The following HDAC9 variants were observed in gnomAD, a reference collection of about 807,000 sequenced individuals.
HDAC9 encodes histone deacetylase 9, also known as MEF-2 interacting transcription repressor (MITR) protein.
HDAC9 carries 41 observed loss-of-function variants against 139.4 expected under a neutral mutation model. The ratio of observed to expected loss-of-function variants is 0.29; its 90% CI spans 0.23 to 0.38. The LOEUF (loss-of-function observed/expected upper bound fraction) is 0.38, where lower values mean the gene tolerates loss of function less well. Ranked by LOEUF, HDAC9 falls within the 10% of genes least tolerant of loss-of-function variation. The probability of loss-of-function intolerance (pLI) is 1.00; values close to 1 mark genes in which losing one functional copy is unlikely to be tolerated. For synonymous variants in HDAC9, 517 were observed against 476.2 expected (o/e 1.09, Z -1.12); for missense variants, 1,147 against 1,297.0 (o/e 0.88, Z 1.78).
chr7:18,559,894 A>G (rs1231181801), intron 2 of HDAC9, among the ~76,000 whole-genome samples: 1 of 152,232 alleles, frequency 6.6e-6, no homozygotes, highest in African/African-American at 2.4e-5. Context: ...CCTAAATATA[A>G]GTCTTACACT....
At chr7:18,590,780 C>T (rs1178308833) in intron 4 of HDAC9, among the ~76,000 whole-genome samples, 1 of 152,160 alleles carries the variant, frequency 6.6e-6, no homozygotes. Context: ...TATATGCCAT[C>T]TTGTTTAATA....
At chr7:18,738,544 T>C (rs1165031858) in intron 13 of HDAC9, among the ~76,000 whole-genome samples, 1 of 152,208 alleles carries the variant, frequency 6.6e-6, no homozygotes, top group African/African-American at 2.4e-5. Context: ...GATATGAAAT[T>C]CTGGGTTGAA....
At chr7:18,948,243 A>G (rs529977169) in intron 23 of HDAC9, among the ~76,000 whole-genome samples, 7 of 152,160 alleles carry the variant, frequency 4.6e-5, no homozygotes, top group Admixed American at 1.3e-4. Context: ...AAAGAAAAAG[A>G]TATCAGTATT....
chr7:18,191,414 G>T (rs1790342042), intron 2 of HDAC9, among the ~76,000 whole-genome samples: 1 of 152,158 alleles, frequency 6.6e-6, no homozygotes, highest in Non-Finnish European at 1.5e-5. Context: ...TTATCACTCT[G>T]TATCATAATT....
intron 1 of HDAC9, among the ~76,000 whole-genome samples, chr7:18,117,487 A>G (rs2128089412): frequency 6.7e-6 from 1 of 149,408 alleles, no homozygotes; most frequent in Middle Eastern, 3.4e-3. Flanking sequence ...CTCTGTCTCA[A>G]AAAATAAAAT....
At chr7:18,245,151 A>G (rs1382282060) in intron 2 of HDAC9, among the ~76,000 whole-genome samples, 3 of 151,938 alleles carry the variant, frequency 2.0e-5, no homozygotes, top group Admixed American at 1.3e-4. Flanking sequence ...GATTTGGATG[A>G]CTCCACTGGC....
chr7:18,503,156 C>G (rs1254370048), intron 2 of HDAC9, among the ~76,000 whole-genome samples: 1 of 152,074 alleles, frequency 6.6e-6, no homozygotes, highest in Non-Finnish European at 1.5e-5. Context: ...AGAAGAAATT[C>G]AAAAATATGT....
chr7:18,421,988 G>C (rs1040739330), intron 1 of HDAC9, among the ~76,000 whole-genome samples: 15 of 152,252 alleles, frequency 9.9e-5, no homozygotes, highest in African/African-American at 3.6e-4. Flanking sequence ...GTGTCTGTTG[G>C]AATCTATTTT....
chr7:18,960,890 G>A (rs1042762729), intron 24 of HDAC9, among the ~76,000 whole-genome samples: 1 of 152,004 alleles, frequency 6.6e-6, no homozygotes, highest in Admixed American at 6.6e-5. Context: ...TCTCTTGTTG[G>A]GGGGTGGGGG....
chr7:18,956,221 C>T (rs1783134036), intron 24 of HDAC9, among the ~76,000 whole-genome samples: 1 of 152,030 alleles, frequency 6.6e-6, no homozygotes, highest in African/African-American at 2.4e-5. Flanking sequence ...AATCCATTTC[C>T]TTCTAAACTC....
chr7:18,132,496 A>T (rs756639795), intron 1 of HDAC9, among the ~76,000 whole-genome samples: 1 of 151,986 alleles, frequency 6.6e-6, no homozygotes, highest in Non-Finnish European at 1.5e-5. Context: ...GCAGCCTCCA[A>T]CTTCTGGGCT....
intron 1 of HDAC9, among the ~76,000 whole-genome samples, chr7:18,343,631 TAAAA>T (rs1782181331): frequency 6.6e-6 from 1 of 151,858 alleles, no homozygotes; most frequent in Non-Finnish European, 1.5e-5. Flanking sequence ...TGTACATTTT[TAAAA>T]ACAGCAAAAT....
At chr7:18,678,210 T>A (rs1452650024) in intron 12 of HDAC9, among the ~76,000 whole-genome samples, 1 of 151,854 alleles carries the variant, frequency 6.6e-6, no homozygotes, top group Non-Finnish European at 1.5e-5. Context: ...ATTTAGTAAC[T>A]CTTAACATTA....
chr7:18,747,464 T>A (rs1017249638), intron 13 of HDAC9, among the ~76,000 whole-genome samples: 20 of 152,170 alleles, frequency 1.3e-4, no homozygotes, highest in African/African-American at 4.3e-4. Context: ...AAGGGGACAT[T>A]AAGGTTTCTC....
At chr7:18,199,254 AATAGAT>A (rs1417369304) in intron 2 of HDAC9, among the ~76,000 whole-genome samples, 2 of 152,194 alleles carry the variant, frequency 1.3e-5, no homozygotes, top group African/African-American at 4.8e-5. Context: ...GTTGATTTAC[AATAGAT>A]ATAATTTAAA....
At chr7:18,562,813 C>T (rs545295102) in intron 2 of HDAC9, among the ~76,000 whole-genome samples, 3 of 152,130 alleles carry the variant, frequency 2.0e-5, no homozygotes, top group African/African-American at 7.2e-5. Flanking sequence ...GTAGGGATTT[C>T]ATGGAATTTG....
chr7:18,975,752 A>ATTCCAC, intron 24 of HDAC9, 54 bp from the exon 25 acceptor site: 1 of 1,546,502 alleles, frequency 6.5e-7, no homozygotes, highest in Non-Finnish European at 8.9e-7. Context: ...GAGTATTCTG[A>ATTCCAC]TTATTACTGC....
intron 2 of HDAC9, among the ~76,000 whole-genome samples, chr7:18,225,966 C>G (rs1166655607): frequency 6.6e-6 from 1 of 152,042 alleles, no homozygotes; most frequent in Non-Finnish European, 1.5e-5. Flanking sequence ...GTACCAGAAA[C>G]TCTTAAAATA....
intron 2 of HDAC9, among the ~76,000 whole-genome samples, chr7:18,235,519 C>G (rs536747240): frequency 6.6e-6 from 1 of 152,010 alleles, no homozygotes; most frequent in Non-Finnish European, 1.5e-5. Flanking sequence ...AGTGAGTGAC[C>G]GGCAGTATTA....
Sources: allele counts gnomAD v4.1 joint callset (sites outside exome capture counted in the v4.1 genomes callset), GRCh38; gene constraint gnomAD v4.1.1; transcripts MANE v1.5; gene names NCBI Gene and HGNC (gene_info 2026-07-23, HGNC 2026-07-21).